Variants in DMD observed in about 807,000 individuals in gnomAD.
The protein encoded by DMD is mutant dystrophin.
Under a neutral mutation model 330.1 loss-of-function variants are expected in DMD, and 63 were observed. The ratio of observed to expected loss-of-function variants is 0.19; its 90% CI spans 0.16 to 0.24. The LOEUF is 0.24. DMD is among the 10% of genes least tolerant of loss of function. The pLI, the probability that DMD is intolerant of heterozygous loss-of-function variation, is 1.00. For synonymous variants in DMD, 1,223 were observed against 959.8 expected, an observed-to-expected ratio of 1.27 and a Z score of -5.07; for missense variants, 3,344 against 2,684.1, an observed-to-expected ratio of 1.25 and a Z score of -5.43.
intron 2 of DMD, among the ~76,000 whole-genome samples, chrX:32,894,413 T>C (rs1023168695): frequency 3.6e-5 from 4 of 112,594 alleles, no homozygotes; most frequent in Admixed American, 1.9e-4. Flanking sequence ...GGTGGCAGAC[T>C]GGACAAGATA....
chrX:32,146,588 A>G (rs967176729), intron 44 of DMD, among the ~76,000 whole-genome samples: 2 of 112,265 alleles, frequency 1.8e-5, no homozygotes, highest in African/African-American at 6.5e-5. Flanking sequence ...TAAGGTAGTT[A>G]AGCCTGACAC....
chrX:31,938,043 C>T (rs1189706773), intron 45 of DMD, among the ~76,000 whole-genome samples: 3 of 111,066 alleles, frequency 2.7e-5, no homozygotes, highest in Non-Finnish European at 3.8e-5. Flanking sequence ...AGAAAGGAAG[C>T]GCTACTCATG....
intron 17 of DMD, among the ~76,000 whole-genome samples, chrX:32,524,215 T>A (rs1446458818): frequency 9.0e-6 from 1 of 111,720 alleles, no homozygotes. Flanking sequence ...ATTACAGGCG[T>A]GAGCCACCGC....
At chrX:33,043,859 G>A (rs1220066910) in intron 1 of DMD, among the ~76,000 whole-genome samples, 3 of 93,311 alleles carry the variant, frequency 3.2e-5, no homozygotes, top group Non-Finnish European at 4.2e-5. Flanking sequence ...AACAGGCCCC[G>A]GTGTGTGAGG....
chrX:31,620,414 A>AT (rs796904162), intron 55 of DMD, among the ~76,000 whole-genome samples: 10,276 of 97,587 alleles, frequency 0.11, 578 homozygotes, highest in Non-Finnish European at 0.13. Flanking sequence ...CCATGACATA[A>AT]TTTTTTTTTT....
At chrX:32,385,110 C>G (rs1404977900) in intron 33 of DMD, among the ~76,000 whole-genome samples, 3 of 110,363 alleles carry the variant, frequency 2.7e-5, no homozygotes, top group South Asian at 7.5e-4. Flanking sequence ...CAATCTTAAG[C>G]CAAAAGAACG....
intron 43 of DMD, among the ~76,000 whole-genome samples, chrX:32,265,164 C>G (rs890775797): frequency 9.0e-6 from 1 of 111,708 alleles, no homozygotes; most frequent in African/African-American, 3.3e-5. Context: ...TTTCCTGGGC[C>G]GGGCCCAGAG....
At chrX:32,292,299 A>ATTTTTTTTTTTTTTTTTTTT (rs1355530949) in intron 42 of DMD, among the ~76,000 whole-genome samples, 115 of 30,727 alleles carry the variant, frequency 3.7e-3, no homozygotes, top group Non-Finnish European at 5.0e-3. Flanking sequence ...CAAAGGGAAT[A>ATTTTTTTTTTTTTTTTTTTT]TTCTTTTTTT....
At chrX:32,135,500 G>A (rs979962564) in intron 44 of DMD, among the ~76,000 whole-genome samples, 2 of 112,376 alleles carry the variant, frequency 1.8e-5, no homozygotes, top group African/African-American at 6.5e-5. Context: ...GGAGGCCAAG[G>A]TGGGCAGATT....
chrX:31,680,474 T>C (rs775942268), intron 52 of DMD, among the ~76,000 whole-genome samples: 1 of 109,959 alleles, frequency 9.1e-6, no homozygotes, highest in East Asian at 2.8e-4. Context: ...GGGTTCAAGC[T>C]ATCCTCCTGT....
At chrX:32,880,432 T>C (rs113493320) in intron 2 of DMD, among the ~76,000 whole-genome samples, 3 of 111,319 alleles carry the variant, frequency 2.7e-5, no homozygotes, top group African/African-American at 9.8e-5. Flanking sequence ...AAGTTTCTAG[T>C]CTATAGTTGA....
intron 9 of DMD, among the ~76,000 whole-genome samples, chrX:32,689,935 C>T (rs1415928304): frequency 2.7e-5 from 3 of 110,313 alleles, no homozygotes; most frequent in African/African-American, 6.6e-5. Context: ...ATAAAAAGAT[C>T]GCAGGTCATA....
rs1415168893 is a variant in DMD at position 32,380,520 on chromosome X, G to A, written c.4835C>T (p.Ala1612Val). Residue 1612 changes from alanine to valine, a missense_variant, in exon 34 of 79, where the codon GCC becomes GTC. Physicochemically the swap from Ala to Val is moderately conservative, Grantham distance 64. Coordinates refer to ENST00000357033, the MANE Select transcript of DMD (RefSeq NM_004006.3). ...GMPSNLDSEV[A>V]WGKATQKEIE... ...TGATATAGGTTTTACCTTTCCCCAG[G>A]CAACTTCAGAATCCAAATTACTAGG... 4 of 1,208,107 alleles carry A rather than the reference G, an allele frequency of 3.3e-6. No homozygotes were observed. The highest frequency in any genetic ancestry group is 2.3e-4 in the Middle Eastern group (1 of 4,367).
chrX:33,206,530 G>A (rs1487589895), intron 1 of DMD, among the ~76,000 whole-genome samples: 1 of 111,491 alleles, frequency 9.0e-6, no homozygotes, highest in African/African-American at 3.3e-5. Context: ...AAGAAAGCAG[G>A]AATACATTGA....
At chrX:32,416,168 A>C (rs2098165305) in intron 29 of DMD, among the ~76,000 whole-genome samples, 2 of 112,427 alleles carry the variant, frequency 1.8e-5, no homozygotes, top group South Asian at 7.4e-4. Context: ...TGCTTTAAAA[A>C]GCCAAATTAG....
chrX:33,113,354 G>T (rs1021949118), intron 1 of DMD, among the ~76,000 whole-genome samples: 1 of 111,463 alleles, frequency 9.0e-6, no homozygotes, highest in African/African-American at 3.3e-5. Context: ...ACCGTGCCCG[G>T]CCTCAACATT....
At chrX:32,260,418 T>C (rs887472502) in intron 43 of DMD, among the ~76,000 whole-genome samples, 4 of 111,736 alleles carry the variant, frequency 3.6e-5, no homozygotes, top group African/African-American at 1.3e-4. Flanking sequence ...AATAAGTATC[T>C]CCACTCTTTG....
chrX:32,731,878 G>C (rs990410279), intron 7 of DMD, among the ~76,000 whole-genome samples: 1 of 112,223 alleles, frequency 8.9e-6, no homozygotes, highest in Non-Finnish European at 1.9e-5. Context: ...AAGGAACACA[G>C]TTCCTCACTA....
chrX:31,408,428 CAG>C, intron 60 of DMD, among the ~76,000 whole-genome samples: 1 of 110,006 alleles, frequency 9.1e-6, no homozygotes, highest in South Asian at 3.9e-4. Context: ...TAATTTGAGA[CAG>C]AGTCTTGCTT....
Sources: gnomAD v4.1 joint callset for allele counts (sites outside exome capture counted in the v4.1 genomes callset) on GRCh38, gnomAD v4.1.1 for gene constraint, MANE v1.5 for transcripts, NCBI Gene and HGNC (gene_info 2026-07-23, HGNC 2026-07-21) for gene names.